FRMPD4: variants seen among roughly 807,000 people sequenced by gnomAD.
The protein encoded by FRMPD4 is FERM and PDZ domain-containing protein 4.
FRMPD4 carries 22 observed loss-of-function variants against 94.1 expected under a neutral mutation model. The ratio of observed to expected loss-of-function variants is 0.23; its 90% CI spans 0.17 to 0.33. The LOEUF is 0.33. Among genes scored for constraint, FRMPD4 ranks in the 10% least tolerant of loss-of-function variants. The pLI is 1.00. For synonymous variants in FRMPD4, 631 were observed against 548.6 expected, an observed-to-expected ratio of 1.15 and a Z score of -2.10; for missense variants, 1,111 against 1,339.9, an observed-to-expected ratio of 0.83 and a Z score of 2.67.
chrX:12,050,866 A>G (rs539369455), intron 3 of FRMPD4, among the ~76,000 whole-genome samples: 1 of 111,514 alleles, frequency 9.0e-6, no homozygotes, highest in African/African-American at 3.3e-5. Flanking sequence ...AAAGAGTTGT[A>G]CAAGATGTTT....
intron 1 of FRMPD4, among the ~76,000 whole-genome samples, chrX:12,170,184 A>AG (rs2056196490): frequency 1.2e-5 from 1 of 85,110 alleles, no homozygotes; most frequent in African/African-American, 5.2e-5. Context: ...TTTTCCACAG[A>AG]GTTTTTTTTT....
intron 3 of FRMPD4, among the ~76,000 whole-genome samples, chrX:11,942,001 A>C (rs2054162507): frequency 8.9e-6 from 1 of 111,941 alleles, no homozygotes; most frequent in Admixed American, 9.5e-5. Context: ...ATGAATGTTA[A>C]AGCTTTAAAG....
chrX:12,461,557 T>G lies in FRMPD4; in HGVS notation c.42-37123T>G, dbSNP rs1483792323. On this transcript the variant is annotated intron_variant, in intron 1 of 16. Coordinates refer to ENST00000675598, the MANE Select transcript of FRMPD4 (RefSeq NM_001368397.1). ...TTAAATAGCTTTAAATTGTTCGTAA[T>G]TTGCATGGAGCACTTCCTCTGAGCA... 1.9e-4 allele frequency among the ~76,000 whole-genome samples: 21 copies of G among 112,175 alleles called. No homozygotes were observed. The Admixed American group carries it at 2.0e-3, about 11-fold the overall frequency.
chrX:12,071,883 C>T (rs927647587), intron 3 of FRMPD4, among the ~76,000 whole-genome samples: 2 of 111,879 alleles, frequency 1.8e-5, no homozygotes, highest in African/African-American at 6.5e-5. Context: ...AATGCACTTC[C>T]ATGAACACTT....
intron 1 of FRMPD4, among the ~76,000 whole-genome samples, chrX:12,175,616 C>T (rs1265343296): frequency 8.9e-6 from 1 of 112,148 alleles, no homozygotes; most frequent in South Asian, 3.7e-4. Context: ...ACAGTTCAAG[C>T]GATTCTGCTG....
chrX:12,041,561 T>C (rs1266547848), intron 3 of FRMPD4, among the ~76,000 whole-genome samples: 1 of 111,588 alleles, frequency 9.0e-6, no homozygotes, highest in African/African-American at 3.3e-5. Flanking sequence ...AGTCATTTTT[T>C]TTTTTCTGCT....
intron 1 of FRMPD4, among the ~76,000 whole-genome samples, chrX:12,321,754 G>A (rs1031265810): frequency 8.9e-6 from 1 of 111,970 alleles, no homozygotes; most frequent in Non-Finnish European, 1.9e-5. Context: ...TTAGTGACAA[G>A]CAGGAACCAA....
At chrX:12,242,769 C>T (rs1030994085) in intron 1 of FRMPD4, among the ~76,000 whole-genome samples, 5 of 112,482 alleles carry the variant, frequency 4.4e-5, no homozygotes, top group African/African-American at 1.6e-4. Flanking sequence ...CAGAATGTTG[C>T]TCTGTCATCC....
chrX:12,077,777 TC>T (rs1392578051), intron 3 of FRMPD4, among the ~76,000 whole-genome samples: 1 of 111,302 alleles, frequency 9.0e-6, no homozygotes, highest in African/African-American at 3.3e-5. Flanking sequence ...TCTCTCTCTC[TC>T]TCTCAGGAAG....
intron 3 of FRMPD4, among the ~76,000 whole-genome samples, chrX:11,954,184 A>G (rs2054241712): frequency 8.9e-6 from 1 of 112,924 alleles, no homozygotes; most frequent in Non-Finnish European, 1.9e-5. Context: ...TTGCTTTATT[A>G]GATAAATTGC....
In FRMPD4 at chrX:12,320,467, G is replaced by A. The variant is rs184444288; in HGVS notation, c.42-178213G>A. On this transcript the variant is annotated intron_variant, in intron 1 of 16. Coordinates refer to ENST00000675598, the MANE Select transcript of FRMPD4 (RefSeq NM_001368397.1). ...TGAATGCAAAGCACCCCCAGCAGATGCTTATAGTAAAACACATGACCGAAT... is the reference window on the plus strand; with the variant it reads ...TGAATGCAAAGCACCCCCAGCAGATACTTATAGTAAAACACATGACCGAAT... Among the ~76,000 whole-genome samples the A allele has an allele frequency of 2.3e-4, 26 of 111,917 alleles. No homozygotes were observed. In the East Asian group the frequency reaches 5.6e-3, roughly 24 times the overall value.
intron 4 of FRMPD4, among the ~76,000 whole-genome samples, chrX:12,663,030 C>T (rs977186749): frequency 1.5e-4 from 17 of 112,228 alleles, no homozygotes; most frequent in East Asian, 5.5e-4. Flanking sequence ...ATATCCTTCG[C>T]CCATTTTTTG....
intron 2 of FRMPD4, among the ~76,000 whole-genome samples, chrX:12,582,974 C>T (rs1421686770): frequency 8.9e-6 from 1 of 112,241 alleles, no homozygotes; most frequent in Non-Finnish European, 1.9e-5. Flanking sequence ...CCTTTGCTTG[C>T]AACTCGCCTG....
intron 2 of FRMPD4, among the ~76,000 whole-genome samples, chrX:11,875,236 A>G (rs1175917541): frequency 8.9e-6 from 1 of 112,066 alleles, no homozygotes; most frequent in Non-Finnish European, 1.9e-5. Flanking sequence ...GCTCATAGAT[A>G]TTTTCTTTAT....
chrX:12,106,509 A>G, intron 3 of FRMPD4, among the ~76,000 whole-genome samples: 1 of 110,946 alleles, frequency 9.0e-6, no homozygotes, highest in East Asian at 2.9e-4. Flanking sequence ...TGCATTTCCA[A>G]CGGACGTACC....
At chrX:12,302,805 C>A (rs1004629520) in intron 1 of FRMPD4, among the ~76,000 whole-genome samples, 3 of 112,109 alleles carry the variant, frequency 2.7e-5, no homozygotes, top group Non-Finnish European at 5.6e-5. Context: ...ACCAGTTATT[C>A]TTATTTTCCA....
intron 5 of FRMPD4, 61 bp downstream of exon 5, chrX:12,674,969 C>T (rs2059883167): frequency 8.4e-6 from 6 of 717,623 alleles, no homozygotes; most frequent in African/African-American, 2.1e-5. Flanking sequence ...TTCTTCTGCC[C>T]ACTCCAGTAA....
chrX:12,000,692 C>T (rs977888636), intron 3 of FRMPD4, among the ~76,000 whole-genome samples: 5 of 111,410 alleles, frequency 4.5e-5, no homozygotes, highest in African/African-American at 1.6e-4. Context: ...CAGGCATCAC[C>T]CACCCCAGAA....
intron 3 of FRMPD4, among the ~76,000 whole-genome samples, chrX:11,967,756 G>GT (rs11431796): frequency 0.36 from 23,432 of 65,375 alleles, 4,721 homozygotes; most frequent in East Asian, 0.51. Context: ...GTGTGTGTGT[G>GT]TTTTTTTTTT....
Sources: allele counts gnomAD v4.1 joint callset (sites outside exome capture counted in the v4.1 genomes callset), GRCh38; gene constraint gnomAD v4.1.1; transcripts MANE v1.5; gene names NCBI Gene and HGNC (gene_info 2026-07-23, HGNC 2026-07-21).